The following ACAA2 variants were observed in gnomAD, a reference collection of about 807,000 sequenced individuals.
ACAA2 encodes acetyl-CoA acyltransferase 2.
A neutral mutation model predicts 44.8 loss-of-function variants in ACAA2; 35 were observed. The ratio of observed to expected loss-of-function variants is 0.78; its 90% CI spans 0.60 to 1.04. ACAA2 has a LOEUF of 1.04. Ranked by LOEUF, ACAA2 falls within the 50% of genes least tolerant of loss-of-function variation. ACAA2 has a pLI of 0.00. For missense variants in ACAA2, 468 were observed against 482.6 expected (o/e 0.97, Z 0.28); for synonymous variants, 142 against 166.5 (o/e 0.85, Z 1.13).
intron 2 of ACAA2, among the ~76,000 whole-genome samples, chr18:49,798,025 G>T (rs915143033): frequency 6.6e-6 from 1 of 152,204 alleles, no homozygotes; most frequent in South Asian, 2.1e-4. Flanking sequence ...AATGGAATAC[G>T]CTATCCTAAA....
At chr18:49,802,596 C>CTTG (rs2023566880) in intron 2 of ACAA2, 91 bp downstream of exon 2, 1 of 1,018,974 alleles carries the variant, frequency 9.8e-7, no homozygotes, top group Non-Finnish European at 1.4e-6. Flanking sequence ...CTATTATTAA[C>CTTG]TTGTTTACCA....
intron 6 of ACAA2, among the ~76,000 whole-genome samples, chr18:49,791,857 C>T (rs867343333): frequency 1.3e-5 from 2 of 150,728 alleles, no homozygotes; most frequent in African/African-American, 4.9e-5. Context: ...AGAAGAAATA[C>T]GATAAACTGT....
chr18:49,799,637 C>A (rs1244022611), intron 2 of ACAA2, among the ~76,000 whole-genome samples: 1 of 152,002 alleles, frequency 6.6e-6, no homozygotes, highest in Non-Finnish European at 1.5e-5. Context: ...CGGCTGCCAC[C>A]CCGTCTGGGA....
chr18:49,795,988 C>A, intron 3 of ACAA2, 107 bp from the exon 4 acceptor site: 1 of 701,092 alleles, frequency 1.4e-6, no homozygotes, highest in South Asian at 2.0e-5. Context: ...AAATATTGTA[C>A]TGTAGCTTAC....
chr18:49,809,260 T>C (rs2023642999), intron 1 of ACAA2, among the ~76,000 whole-genome samples: 1 of 152,176 alleles, frequency 6.6e-6, no homozygotes, highest in East Asian at 1.9e-4. Flanking sequence ...AAACACACGT[T>C]TTACAATCAA....
At chr18:49,809,426 T>C (rs1211527085) in intron 1 of ACAA2, among the ~76,000 whole-genome samples, 9 of 152,240 alleles carry the variant, frequency 5.9e-5, no homozygotes, top group African/African-American at 2.2e-4. Flanking sequence ...TTTATGTTCC[T>C]CTGCCACAGC....
intron 2 of ACAA2, 39 bp downstream of exon 2, chr18:49,802,648 G>A: frequency 3.9e-6 from 6 of 1,541,362 alleles, no homozygotes; most frequent in East Asian, 2.3e-5. Flanking sequence ...ACTGATCAAA[G>A]AAGCAATAGG....
At chr18:49,791,446 C>G in intron 7 of ACAA2, 24 bp downstream of exon 7, 2 of 1,598,762 alleles carry the variant, frequency 1.3e-6, no homozygotes, top group Non-Finnish European at 1.7e-6. Flanking sequence ...ATTATAGAAC[C>G]AGTTTGTTTT....
chr18:49,791,008 G>A (rs2023391913), intron 7 of ACAA2, among the ~76,000 whole-genome samples: 1 of 152,158 alleles, frequency 6.6e-6, no homozygotes, highest in Non-Finnish European at 1.5e-5. Context: ...CATTCACAAA[G>A]AAGTCTCCCT....
intron 1 of ACAA2, among the ~76,000 whole-genome samples, chr18:49,805,884 C>T (rs545584509): frequency 6.6e-6 from 1 of 152,226 alleles, no homozygotes; most frequent in South Asian, 2.1e-4. Context: ...AGCTACTGCA[C>T]CTGGCCTATC....
chr18:49,795,923 C>T (rs2023459957), intron 3 of ACAA2, 42 bp from the exon 4 acceptor site: 1 of 1,232,628 alleles, frequency 8.1e-7, no homozygotes, highest in Non-Finnish European at 1.2e-6. Flanking sequence ...TTTTACCGTA[C>T]CCAAACAATG....
In ACAA2 at chr18:49,782,842, T is replaced by C. The variant is rs2510528; in HGVS notation, c.*1005A>G. On this transcript the variant is annotated 3_prime_UTR_variant, in exon 10 of 10. Transcript: ENST00000285093. ...CAGCCTGGAGGACAGAGCGAGACTC[T>C]GTCTCAAAAAAAAAAAAAAAAATTT... The C allele has an allele frequency of 0.56, 79,721 of 142,638 alleles. 21,720 individuals carry two copies. Among genetic ancestry groups the C allele is most frequent in the Middle Eastern group, 0.71 (203 of 286 alleles). 8.8% of individuals were successfully genotyped at this position (142,638 alleles called of 1,614,324 possible).
chr18:49,807,922 C>CA (rs1341751369), intron 1 of ACAA2, among the ~76,000 whole-genome samples: 1 of 150,730 alleles, frequency 6.6e-6, no homozygotes, highest in African/African-American at 2.4e-5. Flanking sequence ...TTTATAAAAA[C>CA]ACCTAACTGA....
At chr18:49,792,073 G>T (rs2023408097) in intron 6 of ACAA2, 79 bp downstream of exon 6, 2 of 1,195,216 alleles carry the variant, frequency 1.7e-6, no homozygotes, top group Non-Finnish European at 2.4e-6. Flanking sequence ...GGCATAAAAA[G>T]TATTTACAAG....
chr18:49,791,708 G>A, intron 6 of ACAA2, 109 bp from the exon 7 acceptor site: 1 of 1,105,874 alleles, frequency 9.0e-7, no homozygotes, highest in Non-Finnish European at 1.3e-6. Context: ...TAGGAAGCCA[G>A]TGCACAGTGT....
At chr18:49,790,253 G>A (rs530165140) in intron 7 of ACAA2, among the ~76,000 whole-genome samples, 106 of 152,282 alleles carry the variant, frequency 7.0e-4, no homozygotes, top group African/African-American at 2.5e-3. Context: ...ATAAATTTGA[G>A]ACACATAGTG....
chr18:49,795,942 A>T, intron 3 of ACAA2, 61 bp from the exon 4 acceptor site: 2 of 1,013,420 alleles, frequency 2.0e-6, no homozygotes, highest in Non-Finnish European at 3.1e-6. Flanking sequence ...TGTATTAAGA[A>T]ACACACTGAT....
chr18:49,808,645 G>C (rs2023635743), intron 1 of ACAA2, among the ~76,000 whole-genome samples: 1 of 152,126 alleles, frequency 6.6e-6, no homozygotes, highest in Non-Finnish European at 1.5e-5. Context: ...ATTTCAAAAG[G>C]GGAGCAGGTG....
At position 49,792,177 on chromosome 18, in the gene ACAA2, C is replaced by G. The variant is rs747986743; in HGVS notation, c.728G>C (p.Gly243Ala). 1.9e-6 allele frequency: 3 copies of G among 1,613,806 alleles called. No homozygotes were observed. The highest frequency in any genetic ancestry group is 2.2e-5 in the South Asian group (2 of 91,034). The change falls in exon 6 of 10, where the codon GGA (glycine) becomes GCA (alanine). Residue 243 changes from glycine to alanine, a missense_variant. Coordinates refer to ENST00000285093, the MANE Select transcript of ACAA2 (RefSeq NM_006111.3). Reference protein sequence around the residue: ...QKLPPVFKKDGTVTAGNASGV... With the variant: ...QKLPPVFKKDATVTAGNASGV... ...CGATGCATTCCCTGCAGTAACAGTT[C>G]CATCTTTCTTGAATACTGGAGGAAG...
Sources: allele counts gnomAD v4.1 joint callset (sites outside exome capture counted in the v4.1 genomes callset), GRCh38; gene constraint gnomAD v4.1.1; transcripts MANE v1.5; gene names NCBI Gene and HGNC (gene_info 2026-07-23, HGNC 2026-07-21).